Variants in SEMA3D observed in about 807,000 individuals in gnomAD.
The protein encoded by SEMA3D is semaphorin-3D.
SEMA3D carries 84 observed loss-of-function variants against 100.1 expected under a neutral mutation model. That is an observed-to-expected ratio of 0.84 (90% CI 0.70 to 1.01). The LOEUF (loss-of-function observed/expected upper bound fraction) is 1.01, where lower values mean the gene tolerates loss of function less well. Ranked by LOEUF, SEMA3D falls within the 50% of genes least tolerant of loss-of-function variation. The pLI is 0.00. For synonymous variants in SEMA3D, 312 were observed against 320.7 expected, an observed-to-expected ratio of 0.97 and a Z score of 0.29; for missense variants, 875 against 934.1, an observed-to-expected ratio of 0.94 and a Z score of 0.82.
intron 1 of SEMA3D, among the ~76,000 whole-genome samples, chr7:85,182,795 CT>C (rs1008124145): frequency 4.6e-5 from 7 of 152,080 alleles, no homozygotes; most frequent in Non-Finnish European, 1.0e-4. Context: ...ATATTTGTTT[CT>C]CCTTTCAAGG....
chr7:85,243,286 T>C, the SEMA3D span, among the ~76,000 whole-genome samples: 1 of 152,174 alleles, frequency 6.6e-6, no homozygotes, highest in Non-Finnish European at 1.5e-5. Context: ...CTTTTTTTTC[T>C]CTGTTATTCT....
At chr7:85,102,552 G>T (rs188228840) in intron 3 of SEMA3D, among the ~76,000 whole-genome samples, 178 of 152,110 alleles carry the variant, frequency 1.2e-3, no homozygotes, top group African/African-American at 4.0e-3. Context: ...ATGGCAGGTT[G>T]AAGATTTTGG....
intron 2 of SEMA3D, among the ~76,000 whole-genome samples, chr7:85,132,523 T>C (rs1271987633): frequency 2.0e-5 from 3 of 151,978 alleles, no homozygotes; most frequent in Non-Finnish European, 4.4e-5. Flanking sequence ...GTATGTATCT[T>C]AGAACATCTT....
At chr7:85,001,272 C>T (rs2115708068) in intron 18 of SEMA3D, among the ~76,000 whole-genome samples, 1 of 152,262 alleles carries the variant, frequency 6.6e-6, no homozygotes, top group South Asian at 2.1e-4. Flanking sequence ...GAATCCACAC[C>T]ATCAGAGTTT....
chr7:85,120,508 A>T (rs1789377678), intron 3 of SEMA3D, among the ~76,000 whole-genome samples: 1 of 151,888 alleles, frequency 6.6e-6, no homozygotes, highest in South Asian at 2.1e-4. Context: ...TCTCTACTAA[A>T]GATACAAAAA....
At chr7:85,097,236 T>C (rs1788587536) in intron 4 of SEMA3D, among the ~76,000 whole-genome samples, 1 of 151,856 alleles carries the variant, frequency 6.6e-6, no homozygotes, top group Non-Finnish European at 1.5e-5. Flanking sequence ...GTATGTTTCT[T>C]TGTCATGGTG....
At position 85,121,905 on chromosome 7, in the gene SEMA3D, T is replaced by C. The variant is rs1789427195; in HGVS notation, c.-14A>G. ...ATTAGCATTCATGATGAAAACAATG[T>C]TCTCTTTCAAATGGTGTTAATTTAA... On this transcript the variant is annotated 5_prime_UTR_variant, in exon 3 of 19. Coordinates refer to ENST00000284136, the MANE Select transcript of SEMA3D (RefSeq NM_001384900.1). 1.3e-6 allele frequency: 2 copies of C among 1,542,224 alleles called. No individual in the cohort carries two copies. The highest frequency in any genetic ancestry group is 1.4e-5 in the African/African-American group (1 of 71,668).
chr7:85,118,859 CTT>C (rs1449860903), intron 3 of SEMA3D, among the ~76,000 whole-genome samples: 4 of 152,138 alleles, frequency 2.6e-5, no homozygotes, highest in Admixed American at 2.6e-4. Flanking sequence ...TTCATGAACT[CTT>C]TGCCCATGTG....
chr7:85,118,615 T>C (rs771841384), intron 3 of SEMA3D, among the ~76,000 whole-genome samples: 24 of 152,146 alleles, frequency 1.6e-4, no homozygotes, highest in Non-Finnish European at 2.6e-4. Context: ...GCTGAGCTCT[T>C]ATAATGTGAC....
the SEMA3D span, among the ~76,000 whole-genome samples, chr7:85,220,313 G>A: frequency 6.8e-6 from 1 of 147,858 alleles, no homozygotes; most frequent in Non-Finnish European, 1.5e-5. Context: ...ACATATGGGT[G>A]GCAGAGTTTC....
the SEMA3D span, among the ~76,000 whole-genome samples, chr7:85,217,540 A>G: frequency 2.0e-5 from 3 of 152,082 alleles, no homozygotes; most frequent in East Asian, 1.9e-4. Context: ...AAAAGTTGGC[A>G]TCATAAAAAA....
rs375445705 is a variant in SEMA3D at position 85,121,943 on chromosome 7, TAA to T, written c.-40-14_-40-13del. 3.5e-3 allele frequency: 3,625 copies of T among 1,044,310 alleles called. 27 individuals are homozygous for T. The highest frequency in any genetic ancestry group is 0.031 in the African/African-American group (1,710 of 56,006). The allele number at this position is 1,044,310 out of a possible 1,614,324, so 64.7% of individuals were successfully genotyped here. A position where few individuals can be genotyped will look rare whatever the true frequency, so the allele number is the denominator to read the frequency against. On this transcript the variant is annotated splice_polypyrimidine_tract_variant and intron_variant, in intron 2 of 18. Coordinates refer to ENST00000284136, the MANE Select transcript of SEMA3D (RefSeq NM_001384900.1). ...GGTGTTAATTTAATCTAAAAAAGAG[TAA>T]AAAAAAAAAAACTATTAAGGTATCA...
At chr7:85,169,426 T>C (rs1438928622) in intron 1 of SEMA3D, among the ~76,000 whole-genome samples, 1 of 151,840 alleles carries the variant, frequency 6.6e-6, no homozygotes, top group Non-Finnish European at 1.5e-5. Flanking sequence ...CTCCTGACAT[T>C]CTTTTGAATG....
chr7:85,106,137 A>G (rs1788912375), intron 3 of SEMA3D, among the ~76,000 whole-genome samples: 1 of 152,084 alleles, frequency 6.6e-6, no homozygotes, highest in Non-Finnish European at 1.5e-5. Flanking sequence ...ATTTCCAGAA[A>G]AGCAATGTCA....
intron 1 of SEMA3D, among the ~76,000 whole-genome samples, chr7:85,170,746 C>A (rs1474736869): frequency 6.6e-6 from 1 of 151,986 alleles, no homozygotes; most frequent in Non-Finnish European, 1.5e-5. Flanking sequence ...GACACTAACT[C>A]TTGGGTTATT....
intron 12 of SEMA3D, chr7:85,029,440 A>G: frequency 1.3e-6 from 1 of 760,598 alleles, no homozygotes; most frequent in Non-Finnish European, 2.4e-6. Flanking sequence ...TCAAGTCAAG[A>G]TTAACAATGA....
chr7:85,221,889 T>G, the SEMA3D span, among the ~76,000 whole-genome samples: 3 of 152,098 alleles, frequency 2.0e-5, no homozygotes, highest in East Asian at 5.8e-4. Flanking sequence ...ACACTCAAAT[T>G]TATCACACAT....
At chr7:85,173,814 T>A (rs1791150182) in intron 1 of SEMA3D, among the ~76,000 whole-genome samples, 1 of 152,118 alleles carries the variant, frequency 6.6e-6, no homozygotes, top group Non-Finnish European at 1.5e-5. Flanking sequence ...ATCACACAAC[T>A]AAGAGCTGAC....
intron 5 of SEMA3D, among the ~76,000 whole-genome samples, chr7:85,074,833 T>C (rs182239125): frequency 3.8e-4 from 58 of 152,182 alleles, no homozygotes; most frequent in African/African-American, 1.3e-3. Flanking sequence ...TTACCTAGTC[T>C]GGTCTTGAAC....
Sources: allele counts gnomAD v4.1 joint callset (sites outside exome capture counted in the v4.1 genomes callset), GRCh38; gene constraint gnomAD v4.1.1; transcripts MANE v1.5; gene names NCBI Gene and HGNC (gene_info 2026-07-23, HGNC 2026-07-21).